Variants in LYPD6B observed in about 807,000 individuals in gnomAD.
LYPD6B encodes the protein ly6/PLAUR domain-containing protein 6B.
Under a neutral mutation model 22.8 loss-of-function variants are expected in LYPD6B, and 17 were observed. That is an observed-to-expected ratio of 0.75 (90% CI 0.51 to 1.12). The LOEUF (loss-of-function observed/expected upper bound fraction) is 1.12. LYPD6B is among the 50% of genes most tolerant of loss of function. The probability of loss-of-function intolerance (pLI) is 0.00; values close to 1 mark genes in which losing one functional copy is unlikely to be tolerated. For synonymous variants in LYPD6B, 106 were observed against 91.6 expected (o/e 1.16, Z -0.90); for missense variants, 221 against 258.3 (o/e 0.86, Z 0.99).
At chr2:149,182,218 A>G (rs551188896) in intron 3 of LYPD6B, among the ~76,000 whole-genome samples, 2 of 152,328 alleles carry the variant, frequency 1.3e-5, no homozygotes, top group East Asian at 1.9e-4. Context: ...TCTGTACCCT[A>G]TAGCACTCAT....
rs146978231 is a variant in LYPD6B, at chr2:149,159,036, C to A, written c.6-1728C>A. On this transcript the variant is annotated intron_variant, in intron 2 of 6. Transcript: ENST00000409642. ...TTCTAACTTTTATCCCTGGATCAGG[C>A]CAGATAATCAGATTTTTATGTTTTT... 2.4e-3 allele frequency among the ~76,000 whole-genome samples: 373 copies of A among 152,290 alleles called. 1 individual carries two copies. The highest frequency in any genetic ancestry group is 8.5e-3 in the African/African-American group (353 of 41,570).
intron 3 of LYPD6B, among the ~76,000 whole-genome samples, chr2:149,163,091 G>GT (rs1320202530): frequency 6.6e-6 from 1 of 152,128 alleles, no homozygotes; most frequent in Non-Finnish European, 1.5e-5. Context: ...CCCAGATTCA[G>GT]CTCTGTGCCA....
chr2:149,062,049 C>T (rs944433867), intron 1 of LYPD6B, among the ~76,000 whole-genome samples: 1 of 151,682 alleles, frequency 6.6e-6, no homozygotes, highest in African/African-American at 2.4e-5. Context: ...CAGCTCTGCG[C>T]CATCTCAGCT....
intron 1 of LYPD6B, among the ~76,000 whole-genome samples, chr2:149,115,191 G>A (rs897097621): frequency 5.3e-5 from 8 of 152,060 alleles, no homozygotes; most frequent in East Asian, 1.9e-4. Flanking sequence ...CTCTCGCCTC[G>A]GCCTCCCAAA....
intron 1 of LYPD6B, among the ~76,000 whole-genome samples, chr2:149,087,716 A>G (rs936686327): frequency 6.6e-6 from 1 of 152,198 alleles, no homozygotes; most frequent in Non-Finnish European, 1.5e-5. Flanking sequence ...TGGTGCACCA[A>G]GGAAATTCTA....
At chr2:149,051,366 C>T (rs1475981397) in intron 1 of LYPD6B, among the ~76,000 whole-genome samples, 3 of 151,662 alleles carry the variant, frequency 2.0e-5, no homozygotes, top group Non-Finnish European at 4.4e-5. Flanking sequence ...GGGGTTTCAC[C>T]ACGTTAGCCA....
At chr2:149,203,290 A>G (rs1044730196) in intron 3 of LYPD6B, among the ~76,000 whole-genome samples, 5 of 152,224 alleles carry the variant, frequency 3.3e-5, no homozygotes, top group Non-Finnish European at 7.3e-5. Context: ...TGAAACCTGT[A>G]TCTTAGGCCT....
chr2:149,067,527 T>G (rs746100749), intron 1 of LYPD6B, among the ~76,000 whole-genome samples: 2 of 151,514 alleles, frequency 1.3e-5, no homozygotes, highest in Non-Finnish European at 2.9e-5. Flanking sequence ...TGTATATTTT[T>G]TCCTATCTTT....
chr2:149,043,191 G>A (rs531439520), intron 1 of LYPD6B, among the ~76,000 whole-genome samples: 85 of 152,164 alleles, frequency 5.6e-4, no homozygotes, highest in Middle Eastern at 6.8e-3. Context: ...GATGCCTCAG[G>A]AACTTGTACT....
chr2:149,109,252 T>C (rs1686642452), intron 1 of LYPD6B, among the ~76,000 whole-genome samples: 1 of 152,200 alleles, frequency 6.6e-6, no homozygotes, highest in Admixed American at 6.5e-5. Context: ...ATCATACGTC[T>C]GAAAGTCTTC....
At chr2:149,059,033 G>T (rs915257533) in intron 1 of LYPD6B, among the ~76,000 whole-genome samples, 1 of 152,214 alleles carries the variant, frequency 6.6e-6, no homozygotes, top group Non-Finnish European at 1.5e-5. Flanking sequence ...TCTCCATCTT[G>T]TGCCCTGTTC....
intron 1 of LYPD6B, among the ~76,000 whole-genome samples, chr2:149,093,260 G>T (rs148772661): frequency 6.6e-6 from 1 of 152,086 alleles, no homozygotes; most frequent in African/African-American, 2.4e-5. Flanking sequence ...ATTGGTGGTG[G>T]AGGCTAGTCT....
chr2:149,103,771 CT>C (rs56739458), intron 1 of LYPD6B, among the ~76,000 whole-genome samples: 49 of 74,328 alleles, frequency 6.6e-4, no homozygotes, highest in Middle Eastern at 0.014. Context: ...TTGTGCATAT[CT>C]TTTTTTTTTT....
At chr2:149,117,021 G>A (rs1687040197) in intron 1 of LYPD6B, among the ~76,000 whole-genome samples, 1 of 151,708 alleles carries the variant, frequency 6.6e-6, no homozygotes, top group African/African-American at 2.4e-5. Context: ...TCAGTCTTTG[G>A]GCCCCTTCTT....
intron 2 of LYPD6B, among the ~76,000 whole-genome samples, chr2:149,155,776 A>G (rs1689663135): frequency 6.6e-6 from 1 of 152,172 alleles, no homozygotes. Flanking sequence ...ATGCCTGCCT[A>G]TGCTATAGGT....
chr2:149,084,378 AT>A (rs1685290164), intron 1 of LYPD6B, among the ~76,000 whole-genome samples: 1 of 114,094 alleles, frequency 8.8e-6, no homozygotes, highest in Admixed American at 1.0e-4. Context: ...TGGAGTCATG[AT>A]TTTTATTTAT....
Position 149,130,912 on chromosome 2 carries a change from AC to A in LYPD6B, c.-34del, listed in dbSNP as rs770631546. On this transcript the variant is annotated 5_prime_UTR_variant, in exon 2 of 7. It removes the in-frame stop codon of an upstream open reading frame in the 5' UTR. Transcript: ENST00000409642. ...GCCACACTTCTGCCTGCTGTTGGCA[AC>A]CCTCCTGGACTAGGCTGCTCTTGTT... 1.3e-6 allele frequency: 2 copies of A among 1,581,630 alleles called. No homozygotes were observed. The highest frequency in any genetic ancestry group is 8.7e-7 in the Non-Finnish European group (1 of 1,151,180).
chr2:149,117,143 A>C (rs1189598309), intron 1 of LYPD6B, among the ~76,000 whole-genome samples: 7 of 151,978 alleles, frequency 4.6e-5, no homozygotes, highest in African/African-American at 1.4e-4. Flanking sequence ...TCTATCCTAC[A>C]TTGCTGATAA....
chr2:149,045,260 A>G (rs181100990), intron 1 of LYPD6B, among the ~76,000 whole-genome samples: 145 of 152,108 alleles, frequency 9.5e-4, no homozygotes, highest in South Asian at 5.6e-3. Flanking sequence ...ATGGTCAGTA[A>G]TAATACTCCC....
Sources: gnomAD v4.1 joint callset for allele counts (sites outside exome capture counted in the v4.1 genomes callset) on GRCh38, gnomAD v4.1.1 for gene constraint, MANE v1.5 for transcripts, NCBI Gene and HGNC (gene_info 2026-07-23, HGNC 2026-07-21) for gene names.